Variants in DOP1B observed in about 807,000 individuals in gnomAD.
DOP1B encodes the protein protein DOP1B.
DOP1B carries 174 observed loss-of-function variants against 233.5 expected under a neutral mutation model. The ratio of observed to expected loss-of-function variants is 0.75; its 90% CI spans 0.66 to 0.85. DOP1B has a LOEUF of 0.85. DOP1B is among the 40% of genes least tolerant of loss of function. The pLI is 0.00. For missense variants in DOP1B, 2,652 were observed against 2,846.6 expected, an observed-to-expected ratio of 0.93 and a Z score of 1.56; for synonymous variants, 1,190 against 1,185.6, an observed-to-expected ratio of 1.00 and a Z score of -0.08.
rs759567596 is a variant in DOP1B, at chr21:36,248,501, A to G, written c.4931A>G (p.Gln1644Arg). The G allele has an allele frequency of 6.8e-6, 11 of 1,614,208 alleles. No homozygotes were observed. The Middle Eastern group carries it at 5.0e-4, about 73-fold the overall frequency. ...AATGTTCTCAGAAAGGAGGAGACTCAAAAGAGACCTGTCGATCTCCTAGGG... is the reference window on the plus strand; with the variant it reads ...AATGTTCTCAGAAAGGAGGAGACTCGAAAGAGACCTGTCGATCTCCTAGGG... ...LWNVLRKEET[Q>R]KRPVDLLGAT... Residue 1644 changes from glutamine to arginine, a missense_variant, in exon 21 of 37, where the codon CAA (glutamine) becomes CGA (arginine). Around this residue, in one of 3 missense-constraint regions of DOP1B, gnomAD observed 2,617 missense variants for 2,794.3 expected, o/e 0.94. Coordinates refer to ENST00000691173, the MANE Select transcript of DOP1B (RefSeq NM_001320714.2).
At chr21:36,184,993 T>C (rs565735147) in intron 2 of DOP1B, among the ~76,000 whole-genome samples, 3 of 152,270 alleles carry the variant, frequency 2.0e-5, no homozygotes, top group South Asian at 2.1e-4. Flanking sequence ...CAGTAGAACT[T>C]TGGGGACTGA....
At chr21:36,280,459 G>A (rs1027208924) in intron 31 of DOP1B, 113 bp downstream of exon 31, 4 of 683,874 alleles carry the variant, frequency 5.8e-6, no homozygotes, top group East Asian at 5.6e-5. Context: ...TGCTGTCTAC[G>A]CCACAAAGAC....
In DOP1B at chr21:36,246,843, ATTATGTTATGTTATGTTATG is replaced by A. The variant is rs58401743; in HGVS notation, c.4697+201_4697+220del. On this transcript the variant is annotated intron_variant, in intron 19 of 36. Coordinates refer to ENST00000691173, the MANE Select transcript of DOP1B (RefSeq NM_001320714.2). This position sits in a 1 kb window ranked among gnomAD's most constrained non-coding sequence, Gnocchi z 5.1. ...AACAAGCAACTAAATGTTCTGATCC[ATTATGTTATGTTATGTTATG>A]TTATGTTATGTTATGTTATGTTATG... is the stretch of plus-strand genomic sequence containing the variant. 7.6e-3 allele frequency among the ~76,000 whole-genome samples: 1,118 copies of A among 147,014 alleles called. 12 individuals are homozygous for A. The highest frequency in any genetic ancestry group is 0.022 in the African/African-American group (881 of 39,400).
intron 1 of DOP1B, among the ~76,000 whole-genome samples, chr21:36,163,980 T>C (rs1271034853): frequency 6.6e-6 from 1 of 152,238 alleles, no homozygotes; most frequent in Non-Finnish European, 1.5e-5. Flanking sequence ...CCAGGAAGTC[T>C]GCCTCCTTTC....
chr21:36,228,774 TAAATAAAATAAAATAAAATA>T (rs200418493), intron 13 of DOP1B, among the ~76,000 whole-genome samples: 9,678 of 140,494 alleles, frequency 0.069, 690 homozygotes, highest in African/African-American at 0.18. Flanking sequence ...TCAAAATAAA[TAAATAAAATAAAATAAAATA>T]AAATAAAATA....
intron 22 of DOP1B, among the ~76,000 whole-genome samples, chr21:36,251,559 A>G (rs181444206): frequency 3.3e-5 from 5 of 152,270 alleles, no homozygotes; most frequent in Non-Finnish European, 7.4e-5. Flanking sequence ...AACTGGAATT[A>G]TAGGTGCCCG....
chr21:36,177,751 C>T (rs903728587), intron 2 of DOP1B, among the ~76,000 whole-genome samples: 3 of 152,190 alleles, frequency 2.0e-5, no homozygotes, highest in Non-Finnish European at 4.4e-5. Context: ...TATCCCACAC[C>T]ACTTCGGGAC....
At chr21:36,256,517 G>A (rs191727542) in intron 23 of DOP1B, among the ~76,000 whole-genome samples, 22 of 152,274 alleles carry the variant, frequency 1.4e-4, no homozygotes, top group Non-Finnish European at 2.4e-4. Flanking sequence ...TTTGTGTACC[G>A]ATGTTCATAG....
chr21:36,234,533 G>A (rs2066804558), intron 15 of DOP1B, among the ~76,000 whole-genome samples: 1 of 151,904 alleles, frequency 6.6e-6, no homozygotes, highest in Admixed American at 6.6e-5. Context: ...CCATTTGCCT[G>A]GCACTAGAGC....
At chr21:36,253,123 G>A (rs1049208865) in intron 22 of DOP1B, among the ~76,000 whole-genome samples, 9 of 152,094 alleles carry the variant, frequency 5.9e-5, no homozygotes, top group Non-Finnish European at 1.2e-4. Flanking sequence ...CCATGACCAG[G>A]GTATGCAGAC....
intron 22 of DOP1B, among the ~76,000 whole-genome samples, chr21:36,252,422 C>T (rs1056879664): frequency 7.0e-6 from 1 of 143,308 alleles, no homozygotes; most frequent in Admixed American, 7.2e-5. Context: ...TGTGCCACTG[C>T]ACTCTAGCCT....
chr21:36,191,000 G>A (rs2835311), intron 2 of DOP1B, among the ~76,000 whole-genome samples: 30,192 of 152,064 alleles, frequency 0.2, 2,956 homozygotes, highest in African/African-American at 0.22. Context: ...CTCAGAGAAG[G>A]AAAAGTCACC....
At chr21:36,195,069 G>A in intron 2 of DOP1B, among the ~76,000 whole-genome samples, 1 of 151,922 alleles carries the variant, frequency 6.6e-6, no homozygotes, top group East Asian at 2.0e-4. Flanking sequence ...TGCTGGGCAT[G>A]ATGGCTCATG....
chr21:36,214,623 C>A, intron 9 of DOP1B, 67 bp downstream of exon 9: 1 of 1,340,654 alleles, frequency 7.5e-7, no homozygotes, highest in Non-Finnish European at 1.0e-6. Context: ...GGAAATACAA[C>A]ATGGTGAGAT....
chr21:36,191,643 G>A (rs377612453), intron 2 of DOP1B, among the ~76,000 whole-genome samples: 2 of 152,102 alleles, frequency 1.3e-5, no homozygotes, highest in Non-Finnish European at 2.9e-5. Flanking sequence ...AAAATTAGCC[G>A]GGCATGGTGG....
At chr21:36,157,406 CGTTGGG>C (rs1280725391) in intron 1 of DOP1B, among the ~76,000 whole-genome samples, 1 of 152,184 alleles carries the variant, frequency 6.6e-6, no homozygotes, top group Non-Finnish European at 1.5e-5. Context: ...GGGCTTTCCT[CGTTGGG>C]GAAGACCCCA....
chr21:36,161,279 G>C (rs1484469711), intron 1 of DOP1B, among the ~76,000 whole-genome samples: 2 of 152,020 alleles, frequency 1.3e-5, no homozygotes, highest in African/African-American at 4.8e-5. Context: ...CTGAATAGCT[G>C]GGATTACAGC....
chr21:36,283,936 CTTTTTTT>C (rs547999186), intron 32 of DOP1B, among the ~76,000 whole-genome samples: 32 of 101,000 alleles, frequency 3.2e-4, no homozygotes, highest in Middle Eastern at 6.3e-3. Context: ...ACACCTGTTC[CTTTTTTT>C]TTTTTTTTTT....
chr21:36,233,117 C>A, intron 15 of DOP1B, 42 bp downstream of exon 15: 2 of 1,592,670 alleles, frequency 1.3e-6, no homozygotes, highest in South Asian at 1.1e-5. Flanking sequence ...CCTCCTTCTC[C>A]CCCTGAGCAA....
Sources: gnomAD v4.1 joint callset for allele counts (sites outside exome capture counted in the v4.1 genomes callset) on GRCh38, gnomAD v4.1.1 for gene constraint, gnomAD v4.1.1 regional missense constraint, Gnocchi (gnomAD v3.1) non-coding constraint, MANE v1.5 for transcripts, NCBI Gene and HGNC (gene_info 2026-07-23, HGNC 2026-07-21) for gene names.